CNTN5: variants seen among roughly 807,000 people sequenced by gnomAD.
CNTN5 encodes the protein contactin 5, also known as contactin-5.
In CNTN5, 77 loss-of-function variants were observed where a neutral mutation model predicts 129.1. The observed-to-expected ratio is 0.60, with a 90% confidence interval of 0.50 to 0.72. The LOEUF is 0.72. Ranked by LOEUF, CNTN5 falls within the 30% of genes least tolerant of loss-of-function variation. CNTN5 has a pLI of 0.00. For missense variants in CNTN5, 1,478 were observed against 1,328.8 expected, an observed-to-expected ratio of 1.11 and a Z score of -1.75; for synonymous variants, 509 against 465.6, an observed-to-expected ratio of 1.09 and a Z score of -1.20.
intron 1 of CNTN5, among the ~76,000 whole-genome samples, chr11:99,025,710 G>A (rs1863081615): frequency 6.6e-6 from 1 of 151,684 alleles, no homozygotes; most frequent in Middle Eastern, 3.4e-3. Context: ...GTCTATTAAT[G>A]TATTTTTACA....
chr11:99,336,359 G>T lies in CNTN5; in HGVS notation c.-71+10875G>T, dbSNP rs542528499. On this transcript the variant is annotated intron_variant, in intron 2 of 24. Coordinates refer to ENST00000524871, the MANE Select transcript of CNTN5 (RefSeq NM_014361.4). ...TATGCCACGCAGGAAATAATCTGTT[G>T]TGGAATTCCTTAAATAACATTTATT... 1.2e-4 allele frequency among the ~76,000 whole-genome samples: 19 copies of T among 152,186 alleles called. No individual in the cohort carries two copies. In the East Asian group the frequency reaches 3.3e-3, roughly 26 times the overall value.
chr11:100,024,797 C>A (rs1038926661), intron 9 of CNTN5, among the ~76,000 whole-genome samples: 1 of 152,120 alleles, frequency 6.6e-6, no homozygotes, highest in African/African-American at 2.4e-5. Flanking sequence ...TTCTAAGCAG[C>A]ACAATGTTCA....
intron 6 of CNTN5, among the ~76,000 whole-genome samples, chr11:99,863,871 C>A (rs1948282667): frequency 6.6e-6 from 1 of 152,040 alleles, no homozygotes; most frequent in Non-Finnish European, 1.5e-5. Context: ...GGAAGTTAGG[C>A]AACAGATGGA....
intron 1 of CNTN5, among the ~76,000 whole-genome samples, chr11:99,133,433 G>A (rs754880857): frequency 6.6e-6 from 1 of 151,830 alleles, no homozygotes; most frequent in Non-Finnish European, 1.5e-5. Flanking sequence ...AAGAGTTTTT[G>A]CATAGCAAAA....
chr11:99,186,698 G>C (rs1858370717), intron 1 of CNTN5, among the ~76,000 whole-genome samples: 1 of 151,930 alleles, frequency 6.6e-6, no homozygotes, highest in East Asian at 1.9e-4. Flanking sequence ...TTGACAATGG[G>C]ACAGATTCTT....
intron 1 of CNTN5, among the ~76,000 whole-genome samples, chr11:99,056,719 T>C (rs1342538581): frequency 2.0e-5 from 3 of 151,988 alleles, no homozygotes; most frequent in East Asian, 1.9e-4. Context: ...CCCAGCTTCA[T>C]TGACTTGGGG....
chr11:99,432,564 A>G (rs1015785348), intron 2 of CNTN5, among the ~76,000 whole-genome samples: 3 of 150,088 alleles, frequency 2.0e-5, no homozygotes, highest in Non-Finnish European at 4.4e-5. Flanking sequence ...TATTGAGAAC[A>G]TGTCAGGAAG....
At position 99,562,842 on chromosome 11, in the gene CNTN5, T is replaced by A. The variant is rs1001303293; in HGVS notation, c.55+6573T>A. On this transcript the variant is annotated intron_variant, in intron 3 of 24. Transcript: ENST00000524871. ...GATTTAAAGCTGGGAAATACTGAGC[T>A]CAACAATGTACATGTTGAGCTTTAG... 2.0e-5 allele frequency among the ~76,000 whole-genome samples: 3 copies of A among 152,120 alleles called. No individual in the cohort carries two copies. The East Asian group carries it at 5.8e-4, about 29-fold the overall frequency.
intron 1 of CNTN5, among the ~76,000 whole-genome samples, chr11:99,281,440 A>T (rs1202644859): frequency 6.6e-6 from 1 of 152,016 alleles, no homozygotes; most frequent in Non-Finnish European, 1.5e-5. Flanking sequence ...GCTAAGAGTG[A>T]GTGCTTCCTC....
At chr11:99,845,819 A>G (rs1947675157) in intron 6 of CNTN5, among the ~76,000 whole-genome samples, 1 of 152,046 alleles carries the variant, frequency 6.6e-6, no homozygotes, top group Non-Finnish European at 1.5e-5. Context: ...ACCACTTTTT[A>G]TGTGTTATTT....
At chr11:100,211,653 C>T (rs17094628) in intron 15 of CNTN5, among the ~76,000 whole-genome samples, 1 of 152,144 alleles carries the variant, frequency 6.6e-6, no homozygotes, top group Non-Finnish European at 1.5e-5. Flanking sequence ...GTTAGCCATA[C>T]AAGTTGATTA....
chr11:99,627,269 C>G (rs1790259), intron 3 of CNTN5, among the ~76,000 whole-genome samples: 1 of 151,376 alleles, frequency 6.6e-6, no homozygotes, highest in Non-Finnish European at 1.5e-5. Context: ...TTTAAAGCCT[C>G]TGTTTCTCCA....
chr11:99,373,164 G>A (rs1044374971), intron 2 of CNTN5, among the ~76,000 whole-genome samples: 3 of 152,050 alleles, frequency 2.0e-5, no homozygotes, highest in Admixed American at 1.3e-4. Context: ...AGCCGAGATC[G>A]CACCATTGCA....
At chr11:99,161,652 T>C (rs1860616215) in intron 1 of CNTN5, among the ~76,000 whole-genome samples, 1 of 152,162 alleles carries the variant, frequency 6.6e-6, no homozygotes, top group Non-Finnish European at 1.5e-5. Flanking sequence ...AAAATTCTTA[T>C]TTAAGTGAGA....
intron 3 of CNTN5, among the ~76,000 whole-genome samples, chr11:99,697,691 A>G (rs1249775557): frequency 1.3e-5 from 2 of 151,798 alleles, no homozygotes; most frequent in East Asian, 1.9e-4. Context: ...ATATTAATCT[A>G]TCAATATAGA....
intron 6 of CNTN5, among the ~76,000 whole-genome samples, chr11:99,884,464 A>C (rs1405026917): frequency 2.6e-5 from 4 of 152,210 alleles, no homozygotes; most frequent in Non-Finnish European, 5.9e-5. Context: ...GAAATATTTA[A>C]AGAGTAGAAT....
chr11:99,616,645 G>C (rs908637847), intron 3 of CNTN5, among the ~76,000 whole-genome samples: 8 of 152,032 alleles, frequency 5.3e-5, no homozygotes, highest in African/African-American at 9.7e-5. Context: ...AGGTTGCTGT[G>C]GCAAAACCTA....
chr11:99,527,017 T>C (rs946338553), intron 2 of CNTN5, among the ~76,000 whole-genome samples: 3 of 152,226 alleles, frequency 2.0e-5, no homozygotes, highest in Non-Finnish European at 2.9e-5. Context: ...CCAATCACCT[T>C]TGTGCTCATT....
At chr11:99,040,169 A>T (rs1863931364) in intron 1 of CNTN5, among the ~76,000 whole-genome samples, 2 of 152,264 alleles carry the variant, frequency 1.3e-5, no homozygotes, top group East Asian at 3.9e-4. Context: ...GTGGAAAAAC[A>T]TGATAATCTA....
Sources: gnomAD v4.1 joint callset for allele counts (sites outside exome capture counted in the v4.1 genomes callset) on GRCh38, gnomAD v4.1.1 for gene constraint, MANE v1.5 for transcripts, NCBI Gene and HGNC (gene_info 2026-07-23, HGNC 2026-07-21) for gene names.